The following IFNG-AS1 variants were observed in gnomAD, a reference collection of about 807,000 sequenced individuals.
The protein encoded by IFNG-AS1 is IFNG regulatory antisense RNA 1.
In IFNG-AS1 at chr12:67,994,543, C is replaced by T. The variant is rs536462964; in HGVS notation, n.52-1398C>T. 2.1e-3 allele frequency among the ~76,000 whole-genome samples: 320 copies of T among 152,256 alleles called. 2 individuals carry two copies. Among genetic ancestry groups the T allele is most frequent in the African/African-American group, 7.2e-3 (297 of 41,538 alleles). ...CCTAACTTGGTAAAACCCCTATATA[C>T]AATTACCTAAAACTAGGGGGAGAAT... On this transcript the variant is annotated intron_variant and non_coding_transcript_variant, in intron 1 of 5. Coordinates refer to ENST00000536914, the Ensembl canonical transcript of IFNG-AS1.
intron 3 of IFNG-AS1, among the ~76,000 whole-genome samples, chr12:68,017,835 A>G (rs1880190539): frequency 6.6e-6 from 1 of 152,162 alleles, no homozygotes; most frequent in South Asian, 2.1e-4. Flanking sequence ...TGAACTGGCC[A>G]TATCACTGGG....
At chr12:68,009,298 A>G (rs1879972684) in intron 3 of IFNG-AS1, among the ~76,000 whole-genome samples, 1 of 152,146 alleles carries the variant, frequency 6.6e-6, no homozygotes, top group African/African-American at 2.4e-5. Context: ...ATCAGAATAT[A>G]TATTTTGTCC....
Position 68,002,163 on chromosome 12 carries a change from T to C in IFNG-AS1, n.185-3927T>C, listed in dbSNP as rs1879784207. Reference sequence around the variant, plus strand: ...TGGTCTAGAATCAATGAGACCAAGGTCTTGAGTTCAAATTGTGCGTGAGTC... The same window carrying C: ...TGGTCTAGAATCAATGAGACCAAGGCCTTGAGTTCAAATTGTGCGTGAGTC... On this transcript the variant is annotated intron_variant and non_coding_transcript_variant, in intron 2 of 5. Transcript: ENST00000536914. Among the ~76,000 whole-genome samples the C allele has an allele frequency of 2.0e-5, 3 of 152,132 alleles. No homozygotes were observed. The South Asian group carries it at 6.2e-4, about 32-fold the overall frequency.
chr12:68,016,508 A>T (rs1880159526), intron 3 of IFNG-AS1, among the ~76,000 whole-genome samples: 1 of 152,120 alleles, frequency 6.6e-6, no homozygotes, highest in Non-Finnish European at 1.5e-5. Context: ...TGGGCACATT[A>T]CTCAACTTCT....
chr12:68,015,194 T>A (rs750083501), intron 3 of IFNG-AS1, among the ~76,000 whole-genome samples: 1 of 152,036 alleles, frequency 6.6e-6, no homozygotes, highest in Non-Finnish European at 1.5e-5. Flanking sequence ...ACACAAAGCT[T>A]TTAGCTGACA....
chr12:68,005,112 A>G lies in IFNG-AS1; in HGVS notation n.185-978A>G, dbSNP rs76038414. On this transcript the variant is annotated intron_variant and non_coding_transcript_variant, in intron 2 of 5. Coordinates refer to ENST00000536914, the Ensembl canonical transcript of IFNG-AS1. ...GCAAGATGTATCTGGAGAAATTCCA[A>G]AAATATTATCCCTCTTGCACCTAAT... Among the ~76,000 whole-genome samples the G allele has an allele frequency of 5.5e-3, 836 of 152,328 alleles. 10 individuals are homozygous for G. Among genetic ancestry groups the G allele is most frequent in the African/African-American group, 0.019 (808 of 41,580 alleles).
At chr12:68,001,496 T>C in intron 2 of IFNG-AS1, 1 of 252,018 alleles carries the variant, frequency 4.0e-6, no homozygotes, top group Non-Finnish European at 8.0e-6. Flanking sequence ...ATGATTTTGC[T>C]TTTGTTTCTT....
At chr12:68,007,232 T>C (rs1879926396) in intron 3 of IFNG-AS1, among the ~76,000 whole-genome samples, 1 of 152,180 alleles carries the variant, frequency 6.6e-6, no homozygotes, top group South Asian at 2.1e-4. Flanking sequence ...TAGGATTATT[T>C]TGAGAATTAA....
rs551831990 is a variant in IFNG-AS1 at position 67,999,707 on chromosome 12, T to A, written n.184+3634T>A. On this transcript the variant is annotated intron_variant and non_coding_transcript_variant, in intron 2 of 5. Coordinates refer to ENST00000536914, the Ensembl canonical transcript of IFNG-AS1. Reference sequence around the variant, plus strand: ...ACAGTAGAATTATAATTAACGAGTGTCAAATAAATTATTAAAGTAAAAAAA... The same window carrying A: ...ACAGTAGAATTATAATTAACGAGTGACAAATAAATTATTAAAGTAAAAAAA... 8.5e-5 allele frequency among the ~76,000 whole-genome samples: 13 copies of A among 152,234 alleles called. No individual in the cohort carries two copies. The East Asian group carries it at 2.3e-3, about 27-fold the overall frequency.
intron 1 of IFNG-AS1, among the ~76,000 whole-genome samples, chr12:67,992,070 G>C (rs1160116412): frequency 6.8e-6 from 1 of 146,226 alleles, no homozygotes; most frequent in Non-Finnish European, 1.6e-5. Context: ...CTTTCTCTCT[G>C]TCTCTGTATC....
intron 2 of IFNG-AS1, among the ~76,000 whole-genome samples, chr12:68,003,960 G>GCAA (rs60212780): frequency 6.6e-6 from 1 of 150,552 alleles, no homozygotes; most frequent in Non-Finnish European, 1.5e-5. Context: ...AGGCTATGTT[G>GCAA]GTTTGTATGT....
Position 68,001,183 on chromosome 12 carries a change from T to A in IFNG-AS1, n.185-4907T>A, listed in dbSNP as rs531070893. ...ATTTTCAATAACTTGCTAATCATGATGAATGCTGTCTTAACTTTTTTTTCA... is the reference window on the plus strand; with the variant it reads ...ATTTTCAATAACTTGCTAATCATGAAGAATGCTGTCTTAACTTTTTTTTCA... On this transcript the variant is annotated intron_variant and non_coding_transcript_variant, in intron 2 of 5. Transcript: ENST00000536914. Among the ~76,000 whole-genome samples the A allele has an allele frequency of 2.0e-5, 3 of 152,334 alleles. No individual in the cohort carries two copies. The East Asian group carries it at 5.8e-4, about 29-fold the overall frequency.
intron 2 of IFNG-AS1, among the ~76,000 whole-genome samples, chr12:67,998,370 G>C (rs1004477765): frequency 2.0e-5 from 3 of 151,102 alleles, no homozygotes; most frequent in Non-Finnish European, 3.0e-5. Context: ...TTTTTCTTAA[G>C]TGAAAAAGAA....
chr12:68,016,634 G>A (rs532416371), intron 3 of IFNG-AS1, among the ~76,000 whole-genome samples: 4 of 152,246 alleles, frequency 2.6e-5, no homozygotes, highest in African/African-American at 9.6e-5. Flanking sequence ...CACTTAGTAA[G>A]TATGATCATT....
In IFNG-AS1 at chr12:68,005,537, T is replaced by C. The variant is rs549603746; in HGVS notation, n.185-553T>C. The stretch of plus-strand genomic sequence containing the variant: ...AACAATGATCCTTAAAGTCTCAATA[T>C]AATTACAAATCCAATATGTTAACTT... On this transcript the variant is annotated intron_variant and non_coding_transcript_variant, in intron 2 of 5. Transcript: ENST00000536914. 2.6e-5 allele frequency among the ~76,000 whole-genome samples: 4 copies of C among 152,352 alleles called. No individual in the cohort carries two copies. The East Asian group carries it at 7.7e-4, about 29-fold the overall frequency.
intron 3 of IFNG-AS1, among the ~76,000 whole-genome samples, chr12:68,011,198 C>T (rs1174801123): frequency 1.3e-5 from 2 of 152,192 alleles, no homozygotes; most frequent in Non-Finnish European, 2.9e-5. Context: ...ACCATCTCAT[C>T]GTGCTCTCTG....
intron 2 of IFNG-AS1, among the ~76,000 whole-genome samples, chr12:68,000,018 T>G (rs575701674): frequency 6.6e-6 from 1 of 152,340 alleles, no homozygotes; most frequent in African/African-American, 2.4e-5. Flanking sequence ...CATTATTACC[T>G]TAATCATAAT....
intron 3 of IFNG-AS1, chr12:68,019,778 A>G (rs1592832112): frequency 6.6e-6 from 1 of 152,182 alleles, no homozygotes; most frequent in Non-Finnish European, 1.5e-5. Flanking sequence ...ACTGTTTAGA[A>G]CCTTCCACTG....
chr12:68,000,523 C>A (rs1879743447), intron 2 of IFNG-AS1, among the ~76,000 whole-genome samples: 1 of 151,882 alleles, frequency 6.6e-6, no homozygotes, highest in African/African-American at 2.4e-5. Context: ...AAATAAAAAA[C>A]TAACCAGGCA....
Sources: allele counts gnomAD v4.1 joint callset (sites outside exome capture counted in the v4.1 genomes callset), GRCh38; gene constraint gnomAD v4.1.1; transcripts MANE v1.5; gene names NCBI Gene and HGNC (gene_info 2026-07-23, HGNC 2026-07-21).